The following LAPTM4B variants were observed in gnomAD, a reference collection of about 807,000 sequenced individuals.
LAPTM4B encodes the protein lysosomal protein transmembrane 4 beta, also known as lysosomal-associated transmembrane protein 4B.
Under a neutral mutation model 28.5 loss-of-function variants are expected in LAPTM4B, and 26 were observed. The observed-to-expected ratio is 0.91, with a 90% CI of 0.67 to 1.27. The LOEUF (loss-of-function observed/expected upper bound fraction) is 1.27. Among genes scored for constraint, LAPTM4B ranks in the 50% most tolerant of loss-of-function variants. The pLI, the probability that LAPTM4B is intolerant of heterozygous loss-of-function variation, is 0.00. For missense variants in LAPTM4B, 288 were observed against 285.8 expected, an observed-to-expected ratio of 1.01 and a Z score of -0.06; for synonymous variants, 109 against 106.4, an observed-to-expected ratio of 1.02 and a Z score of -0.15.
intron 6 of LAPTM4B, among the ~76,000 whole-genome samples, chr8:97,846,375 C>T (rs2129857650): frequency 6.8e-6 from 1 of 147,194 alleles, no homozygotes; most frequent in South Asian, 2.1e-4. Flanking sequence ...GTTGCCCAGG[C>T]TGGAGTGCAA....
At chr8:97,793,719 A>G (rs1041204048) in intron 1 of LAPTM4B, among the ~76,000 whole-genome samples, 9 of 152,240 alleles carry the variant, frequency 5.9e-5, no homozygotes, top group African/African-American at 2.2e-4. Flanking sequence ...GAATGTGAAA[A>G]TAATAATAAA....
At chr8:97,850,476 G>GTGTGTGTGTGTATGTGTGTGTGTGTGTA (rs1554594410) in intron 6 of LAPTM4B, among the ~76,000 whole-genome samples, 6 of 147,670 alleles carry the variant, frequency 4.1e-5, no homozygotes, top group African/African-American at 1.5e-4. Context: ...GTGTGTGTGT[G>GTGTGTGTGTGTATGTGTGTGTGTGTGTA]TGTGTGTGTG....
chr8:97,777,389 G>T (rs1331552802), intron 1 of LAPTM4B, among the ~76,000 whole-genome samples: 1 of 151,804 alleles, frequency 6.6e-6, no homozygotes, highest in East Asian at 1.9e-4. Flanking sequence ...CTCGTGATTC[G>T]CCCGCCTTGG....
chr8:97,818,745 C>T (rs1041942728), intron 4 of LAPTM4B, among the ~76,000 whole-genome samples: 7 of 152,010 alleles, frequency 4.6e-5, no homozygotes, highest in South Asian at 2.1e-4. Flanking sequence ...GTCGCCCGGG[C>T]GGCTGGAGTG....
chr8:97,839,297 G>A (rs1009399083), intron 6 of LAPTM4B, among the ~76,000 whole-genome samples: 13 of 152,060 alleles, frequency 8.5e-5, no homozygotes, highest in African/African-American at 2.7e-4. Flanking sequence ...CAGTTCAAGC[G>A]ATTCTCCTGC....
At chr8:97,783,653 A>G (rs1339341575) in intron 1 of LAPTM4B, among the ~76,000 whole-genome samples, 1 of 152,148 alleles carries the variant, frequency 6.6e-6, no homozygotes, top group Non-Finnish European at 1.5e-5. Flanking sequence ...GAAGTTTACC[A>G]CATACCACAG....
chr8:97,775,964 G>T lies in LAPTM4B; in HGVS notation c.-46G>T. ...GCGGGCTCCAGGCGAGGCGGTCGAC[G>T]CTCCTGAAAACTTGCGCGCGCGCTC... is the stretch of plus-strand genomic sequence containing the variant. On this transcript the variant is annotated 5_prime_UTR_variant, in exon 1 of 7. Coordinates refer to ENST00000521545, the MANE Select transcript of LAPTM4B (RefSeq NM_018407.6). 1 of 1,498,832 alleles carries T rather than the reference G, an allele frequency of 6.7e-7. No homozygotes were observed. The allele number at this position is 1,498,832 out of a possible 1,614,324, so 92.8% of individuals were successfully genotyped here.
chr8:97,805,267 C>A, intron 1 of LAPTM4B, 86 bp from the exon 2 acceptor site: 1 of 757,998 alleles, frequency 1.3e-6, no homozygotes. Flanking sequence ...CAGCCTGACT[C>A]CATGTGGTCA....
At chr8:97,831,203 G>A (rs1817178805) in intron 6 of LAPTM4B, among the ~76,000 whole-genome samples, 1 of 152,164 alleles carries the variant, frequency 6.6e-6, no homozygotes, top group Admixed American at 6.5e-5. Context: ...GACTAATGAA[G>A]GCTGGACTGT....
rs539504782 is a variant in LAPTM4B at position 97,805,589 on chromosome 8, A to G, written c.211+125A>G. 2.0e-4 allele frequency: 130 copies of G among 663,472 alleles called. No individual in the cohort carries two copies. The African/African-American group carries it at 2.0e-3, about 10-fold the overall frequency. 41.1% of individuals were successfully genotyped at this position (663,472 alleles called of 1,614,324 possible). ...ATATATAACTTGTCATTGCAAATCA[A>G]CGAATATTTGTGTGCGTCTAACATT... On this transcript the variant is annotated intron_variant, in intron 2 of 6. Transcript: ENST00000521545.
chr8:97,788,911 G>A (rs1017825865), intron 1 of LAPTM4B, among the ~76,000 whole-genome samples: 1 of 151,766 alleles, frequency 6.6e-6, no homozygotes, highest in Non-Finnish European at 1.5e-5. Context: ...GACCAGGTTG[G>A]TCTCGAACTC....
intron 1 of LAPTM4B, among the ~76,000 whole-genome samples, chr8:97,803,499 C>A (rs1480270740): frequency 6.6e-6 from 1 of 152,128 alleles, no homozygotes; most frequent in South Asian, 2.1e-4. Flanking sequence ...GTCTCGAACT[C>A]CTAATCTCAA....
At chr8:97,785,179 G>T (rs953249) in intron 1 of LAPTM4B, among the ~76,000 whole-genome samples, 1 of 151,028 alleles carries the variant, frequency 6.6e-6, no homozygotes, top group African/African-American at 2.4e-5. Flanking sequence ...TCCACCTCCC[G>T]GGTTCAAGCC....
chr8:97,832,775 T>C (rs2513966), intron 6 of LAPTM4B, among the ~76,000 whole-genome samples: 149,342 of 149,648 alleles, frequency 1, 74,523 homozygotes, highest in African/African-American at 1. Flanking sequence ...GGCGCGATCT[T>C]GGCTCACTGC....
intron 6 of LAPTM4B, among the ~76,000 whole-genome samples, chr8:97,846,100 C>T (rs2129857082): frequency 6.6e-6 from 1 of 151,526 alleles, no homozygotes; most frequent in South Asian, 2.1e-4. Flanking sequence ...AGCAATCCTC[C>T]TGCTTTGGCT....
chr8:97,792,444 T>C (rs1431312847), intron 1 of LAPTM4B, among the ~76,000 whole-genome samples: 1 of 152,124 alleles, frequency 6.6e-6, no homozygotes, highest in Non-Finnish European at 1.5e-5. Context: ...TTTGTAGATA[T>C]GGGTTTCACC....
In LAPTM4B at chr8:97,834,144, G is replaced by GAAAAAAAAAAA. The variant is rs554058157; in HGVS notation, c.603+8995_603+9005dup. ...ACATAGTGAGACCCCTGTCTCTACA[G>GAAAAAAAAAAA]AAAAAAAAAAAAAATCCAGGTGGCA... On this transcript the variant is annotated intron_variant, in intron 6 of 6. Coordinates refer to ENST00000521545, the MANE Select transcript of LAPTM4B (RefSeq NM_018407.6). 3.5e-3 allele frequency among the ~76,000 whole-genome samples: 264 copies of GAAAAAAAAAAA among 75,310 alleles called. 38 individuals are homozygous for GAAAAAAAAAAA. Among genetic ancestry groups the GAAAAAAAAAAA allele is most frequent in the Non-Finnish European group, 6.4e-3 (212 of 33,052 alleles). The allele number at this position is 75,310 out of a possible 152,430, so 49.4% of individuals were successfully genotyped here.
Position 97,851,672 on chromosome 8 carries a change from A to T in LAPTM4B, c.*198A>T. ...TGGAACACTGTGATAGATTAACTGT[A>T]GAATTCTTCCTGTACGATTGGGGAT... is the stretch of plus-strand genomic sequence containing the variant. On this transcript the variant is annotated 3_prime_UTR_variant, in exon 7 of 7. Coordinates refer to ENST00000521545, the MANE Select transcript of LAPTM4B (RefSeq NM_018407.6). 6 of 596,452 alleles carry T rather than the reference A, an allele frequency of 1.0e-5. No homozygotes were observed. The South Asian group carries it at 1.2e-4, about 12-fold the overall frequency. 36.9% of individuals were successfully genotyped at this position (596,452 alleles called of 1,614,324 possible). A position where few individuals can be genotyped will look rare whatever the true frequency, so the allele number is the denominator to read the frequency against.
chr8:97,800,246 TGA>T (rs1016940878), intron 1 of LAPTM4B, among the ~76,000 whole-genome samples: 5 of 152,152 alleles, frequency 3.3e-5, no homozygotes, highest in African/African-American at 1.2e-4. Context: ...CCCTAGGGAC[TGA>T]GAGTGCGGGG....
Sources: allele counts gnomAD v4.1 joint callset (sites outside exome capture counted in the v4.1 genomes callset), GRCh38; gene constraint gnomAD v4.1.1; transcripts MANE v1.5; gene names NCBI Gene and HGNC (gene_info 2026-07-23, HGNC 2026-07-21).